SYT16: variants seen among roughly 807,000 people sequenced by gnomAD.
SYT16 encodes synaptotagmin 16, also known as synaptotagmin-16.
A neutral mutation model predicts 61.4 loss-of-function variants in SYT16; 42 were observed. That is an observed-to-expected ratio of 0.68 (90% CI 0.53 to 0.89). SYT16 has a LOEUF of 0.89. Ranked by LOEUF, SYT16 falls within the 40% of genes least tolerant of loss-of-function variation. The probability of loss-of-function intolerance (pLI) is 0.00; values close to 1 mark genes in which losing one functional copy is unlikely to be tolerated. For missense variants in SYT16, 804 were observed against 807.3 expected (o/e 1.00, Z 0.05); for synonymous variants, 314 against 302.3 (o/e 1.04, Z -0.40).
At chr14:61,956,418 A>C (rs1216895532) in intron 1 of SYT16, among the ~76,000 whole-genome samples, 1 of 151,924 alleles carries the variant, frequency 6.6e-6, no homozygotes, top group Non-Finnish European at 1.5e-5. Flanking sequence ...TTTTCTTCTA[A>C]AAGTGTTATT....
intron 7 of SYT16, among the ~76,000 whole-genome samples, chr14:62,089,998 A>C (rs1348103915): frequency 9.2e-5 from 14 of 152,248 alleles, no homozygotes; most frequent in Non-Finnish European, 1.5e-5. Flanking sequence ...CCTGCTATCC[A>C]ACTGCTTCAT....
chr14:61,968,226 A>G (rs1233381167), intron 1 of SYT16, among the ~76,000 whole-genome samples: 1 of 152,186 alleles, frequency 6.6e-6, no homozygotes, highest in Non-Finnish European at 1.5e-5. Context: ...GCGCCACTGC[A>G]TTGTAGCCTG....
chr14:62,021,647 C>T (rs2053914807), intron 3 of SYT16, among the ~76,000 whole-genome samples: 1 of 145,518 alleles, frequency 6.9e-6, no homozygotes, highest in Non-Finnish European at 1.5e-5. Flanking sequence ...TCCACAGTGC[C>T]TGCTGTTTCC....
At chr14:62,023,639 C>T (rs921171496) in intron 3 of SYT16, among the ~76,000 whole-genome samples, 6 of 152,110 alleles carry the variant, frequency 3.9e-5, no homozygotes, top group Non-Finnish European at 2.9e-5. Context: ...ACCTTCAGTG[C>T]TTTTCTTCTC....
chr14:62,013,963 CA>C (rs555395324), intron 3 of SYT16, among the ~76,000 whole-genome samples: 10,096 of 129,054 alleles, frequency 0.078, 337 homozygotes, highest in Non-Finnish European at 0.087. Flanking sequence ...GATTCCATCT[CA>C]AAAAAAAAAA....
Position 62,106,487 on chromosome 14 carries a change from G to A in SYT16, c.*5780G>A, listed in dbSNP as rs937274793. On this transcript the variant is annotated 3_prime_UTR_variant, in exon 8 of 8. Transcript: ENST00000683842. Reference sequence around the variant, plus strand: ...ATAGAAAAATGTACTTGAAGTCTTGGTTCTGCTAAAGAAGAATGAGAGGAC... The same window carrying A: ...ATAGAAAAATGTACTTGAAGTCTTGATTCTGCTAAAGAAGAATGAGAGGAC... 3 of 152,084 alleles carry A rather than the reference G, an allele frequency of 2.0e-5. No homozygotes were observed. Among genetic ancestry groups the A allele is most frequent in the African/African-American group, 7.2e-5 (3 of 41,400 alleles). The allele number at this position is 152,084 out of a possible 1,614,324, so 9.4% of individuals were successfully genotyped here.
chr14:62,056,310 C>G (rs1353405055), intron 3 of SYT16, among the ~76,000 whole-genome samples: 1 of 152,138 alleles, frequency 6.6e-6, no homozygotes, highest in Non-Finnish European at 1.5e-5. Context: ...GATTTGGTAC[C>G]ACCCCTTTAG....
intron 1 of SYT16, among the ~76,000 whole-genome samples, chr14:61,831,479 A>G (rs1250365011): frequency 6.6e-6 from 1 of 152,106 alleles, no homozygotes; most frequent in Non-Finnish European, 1.5e-5. Context: ...GATTTTATTT[A>G]GACATTTTCT....
At chr14:61,836,063 C>T (rs576604677) in intron 1 of SYT16, among the ~76,000 whole-genome samples, 45 of 152,248 alleles carry the variant, frequency 3.0e-4, no homozygotes, top group African/African-American at 8.2e-4. Flanking sequence ...CCTGGTGGAG[C>T]GTAGCAATCA....
intron 2 of SYT16, among the ~76,000 whole-genome samples, chr14:61,977,300 C>A (rs984434664): frequency 6.6e-6 from 1 of 152,166 alleles, no homozygotes; most frequent in Non-Finnish European, 1.5e-5. Flanking sequence ...CCACTCTTGG[C>A]AGTACCAATT....
At chr14:61,859,050 G>A (rs978825726) in intron 1 of SYT16, among the ~76,000 whole-genome samples, 11 of 151,424 alleles carry the variant, frequency 7.3e-5, no homozygotes, top group Admixed American at 6.6e-4. Flanking sequence ...TAGTAGAGAC[G>A]GGGTTTCACC....
At chr14:61,939,470 C>T (rs1456983840) in intron 1 of SYT16, among the ~76,000 whole-genome samples, 2 of 152,246 alleles carry the variant, frequency 1.3e-5, no homozygotes, top group African/African-American at 4.8e-5. Context: ...GGACAGAAGT[C>T]TGAGATCAAG....
chr14:62,107,934 C>T lies in SYT16; in HGVS notation c.*7227C>T, dbSNP rs2057541694. The T allele has an allele frequency of 6.6e-6, 1 of 152,222 alleles. No homozygotes were observed. The highest frequency in any genetic ancestry group is 2.1e-4 in the South Asian group (1 of 4,832). 9.4% of individuals were successfully genotyped at this position (152,222 alleles called of 1,614,324 possible). On this transcript the variant is annotated 3_prime_UTR_variant, in exon 8 of 8. Transcript: ENST00000683842. ...GAATGCTAGGTCTGTACAAACTTGA[C>T]ACATTTCTTACAAGCTCTGTGTTTT... is the stretch of plus-strand genomic sequence containing the variant.
chr14:62,087,647 C>T (rs896639911), intron 7 of SYT16, among the ~76,000 whole-genome samples: 2 of 152,134 alleles, frequency 1.3e-5, no homozygotes, highest in African/African-American at 4.8e-5. Context: ...CTTTTTGCCT[C>T]AAAATATATC....
chr14:61,889,772 C>T (rs1373240549), intron 1 of SYT16, among the ~76,000 whole-genome samples: 1 of 152,074 alleles, frequency 6.6e-6, no homozygotes, highest in African/African-American at 2.4e-5. Flanking sequence ...AACCTTCCAG[C>T]TTGCAGAATC....
At position 62,102,772 on chromosome 14, in the gene SYT16, C is replaced by G. The variant is rs1212225426; in HGVS notation, c.*2065C>G. On this transcript the variant is annotated 3_prime_UTR_variant, in exon 8 of 8. Coordinates refer to ENST00000683842, the MANE Select transcript of SYT16 (RefSeq NM_001367656.1). ...TACAGACAGCCCTGAATTTTTCCCTCTCATATTTTCCTGCTGCTGCATCCT... is the reference window on the plus strand; with the variant it reads ...TACAGACAGCCCTGAATTTTTCCCTGTCATATTTTCCTGCTGCTGCATCCT... The G allele has an allele frequency of 6.6e-6, 1 of 152,154 alleles. No individual in the cohort carries two copies. Among genetic ancestry groups the G allele is most frequent in the African/African-American group, 2.4e-5 (1 of 41,444 alleles). The allele number at this position is 152,154 out of a possible 1,614,324, so 9.4% of individuals were successfully genotyped here.
intron 5 of SYT16, among the ~76,000 whole-genome samples, chr14:62,076,621 G>T (rs989393060): frequency 6.6e-6 from 1 of 152,000 alleles, no homozygotes; most frequent in Non-Finnish European, 1.5e-5. Context: ...TTGTTAAAAA[G>T]CAGCCCTTCA....
Position 62,064,144 on chromosome 14 carries a change from G to A in SYT16, c.524-5459G>A, listed in dbSNP as rs139438745. ...CTTAATGGGAAAGGGATTTGAACTTGGTATTTATATGATGCTTCAGAAAAT... is the reference window on the plus strand; with the variant it reads ...CTTAATGGGAAAGGGATTTGAACTTAGTATTTATATGATGCTTCAGAAAAT... On this transcript the variant is annotated intron_variant, in intron 3 of 7. Transcript: ENST00000683842. Among the ~76,000 whole-genome samples, 580 of 151,968 alleles carry A rather than the reference G, an allele frequency of 3.8e-3. 2 individuals are homozygous for A. Among genetic ancestry groups the A allele is most frequent in the Middle Eastern group, 0.017 (5 of 294 alleles).
At chr14:61,997,678 C>T (rs933145401) in intron 3 of SYT16, among the ~76,000 whole-genome samples, 1 of 151,980 alleles carries the variant, frequency 6.6e-6, no homozygotes, top group African/African-American at 2.4e-5. Context: ...AATTTTGAGT[C>T]TTTTAAATTG....
Sources: gnomAD v4.1 joint callset for allele counts (sites outside exome capture counted in the v4.1 genomes callset) on GRCh38, gnomAD v4.1.1 for gene constraint, MANE v1.5 for transcripts, NCBI Gene and HGNC (gene_info 2026-07-23, HGNC 2026-07-21) for gene names.